The following KDM3B variants were observed in gnomAD, a reference collection of about 807,000 sequenced individuals.
The protein encoded by KDM3B is lysine demethylase 3B.
A neutral mutation model predicts 170.0 loss-of-function variants in KDM3B; 10 were observed. That is an observed-to-expected ratio of 0.06 (90% CI 0.04 to 0.10). The LOEUF (loss-of-function observed/expected upper bound fraction) is 0.10. KDM3B is among the 10% of genes least tolerant of loss of function. The probability of loss-of-function intolerance (pLI) is 1.00; values close to 1 mark genes in which losing one functional copy is unlikely to be tolerated. For missense variants in KDM3B, 1,394 were observed against 2,195.2 expected, an observed-to-expected ratio of 0.64 and a Z score of 7.29; for synonymous variants, 831 against 834.8, an observed-to-expected ratio of 1.00 and a Z score of 0.08.
rs67810627 is a variant in KDM3B, at chr5:138,419,671, AT to A, written c.3715+440del. Among the ~76,000 whole-genome samples, 108 of 85,064 alleles carry A rather than the reference AT, an allele frequency of 1.3e-3. 3 individuals carry two copies. Among genetic ancestry groups the A allele is most frequent in the Admixed American group, 4.8e-3 (31 of 6,420 alleles). 55.8% of individuals were successfully genotyped at this position (85,064 alleles called of 152,430 possible). On this transcript the variant is annotated intron_variant, in intron 14 of 23. Transcript: ENST00000314358. ...CTGTCTCAAAAAAAAAAAAAAAAATATATATATATATATATATACATATATA... is the reference window on the plus strand; with the variant it reads ...CTGTCTCAAAAAAAAAAAAAAAAATAATATATATATATATATACATATATA...
At chr5:138,381,643 C>A in intron 6 of KDM3B, 53 bp downstream of exon 6, 3 of 1,115,110 alleles carry the variant, frequency 2.7e-6, no homozygotes, top group South Asian at 1.3e-5. Context: ...CATTATCTTG[C>A]TGTGTGTAGA....
At chr5:138,408,398 A>G (rs889537158) in intron 11 of KDM3B, among the ~76,000 whole-genome samples, 6 of 151,142 alleles carry the variant, frequency 4.0e-5, no homozygotes, top group Non-Finnish European at 1.5e-5. Context: ...TTAAAAAAAA[A>G]AAAAAGAAAG....
At chr5:138,378,452 T>A (rs770287639) in intron 4 of KDM3B, among the ~76,000 whole-genome samples, 2 of 152,122 alleles carry the variant, frequency 1.3e-5, no homozygotes, top group Admixed American at 1.3e-4. Flanking sequence ...ATGAAAAAAA[T>A]TATTAGCTTT....
In KDM3B at chr5:138,352,735, G is replaced by C. The variant is rs1052000457; in HGVS notation, c.-61G>C. ...GGGAGGCCTTGCGGGCGGATCGGGC[G>C]CTTGGCGGCGGAGGTGGTGGGAGGC... On this transcript the variant is annotated 5_prime_UTR_variant, in exon 1 of 24. Transcript: ENST00000314358. 26 of 1,176,992 alleles carry C rather than the reference G, an allele frequency of 2.2e-5. No homozygotes were observed. The highest frequency in any genetic ancestry group is 9.2e-5 in the Admixed American group (2 of 21,662). The allele number at this position is 1,176,992 out of a possible 1,614,324, so 72.9% of individuals were successfully genotyped here. A position where few individuals can be genotyped will look rare whatever the true frequency, so the allele number is the denominator to read the frequency against.
At position 138,419,048 on chromosome 5, in the gene KDM3B, T is replaced by C. The variant is rs1234548694; in HGVS notation, c.3531T>C (p.His1177=). 5 of 1,614,104 alleles carry C rather than the reference T, an allele frequency of 3.1e-6. No homozygotes were observed. The highest frequency in any genetic ancestry group is 1.3e-5 in the African/African-American group (1 of 74,932). Residue 1177 remains histidine, a synonymous_variant, in exon 14 of 24, where the codon CAT becomes CAC. Coordinates refer to ENST00000314358, the MANE Select transcript of KDM3B (RefSeq NM_016604.4). The stretch of plus-strand genomic sequence containing the variant: ...CAGTAACAACTCCAGAGCCGGACCA[T>C]GTTCCCAAAGCCGACAGCACTGACA... ...PAPVTTPEPD[H]VPKADSTDIR...
intron 11 of KDM3B, among the ~76,000 whole-genome samples, chr5:138,408,929 GC>G (rs1762893484): frequency 6.6e-6 from 1 of 152,110 alleles, no homozygotes; most frequent in African/African-American, 2.4e-5. Flanking sequence ...CTTTCAGGGG[GC>G]CATAATACAT....
chr5:138,391,424 A>G lies in KDM3B; in HGVS notation c.1792A>G (p.Met598Val), dbSNP rs1762426189. Residue 598 changes from methionine (M) to valine (V), a missense_variant, in exon 8 of 24, where the codon ATG becomes GTG. By Grantham distance (21) the Met-to-Val change is conservative (BLOSUM62 1). This residue lies in a region of KDM3B where 294 missense variants were observed against 311.7 expected (regional missense o/e 0.94). Transcript: ENST00000314358. This position sits in a 1 kb window ranked among gnomAD's most constrained non-coding sequence, Gnocchi z 5.0. ...GGACCGGAAAGTGCCTGCAGAGTCCATGCCCACCCTCACTCCAGCCTTCCC... is the reference window on the plus strand; with the variant it reads ...GGACCGGAAAGTGCCTGCAGAGTCCGTGCCCACCCTCACTCCAGCCTTCCC... ...SVDRKVPAESMPTLTPAFPRS... is the reference protein window; with the variant it reads ...SVDRKVPAESVPTLTPAFPRS... 1 of 1,613,848 alleles carries G rather than the reference A, an allele frequency of 6.2e-7. No individual in the cohort carries two copies.
intron 11 of KDM3B, among the ~76,000 whole-genome samples, chr5:138,413,282 C>T (rs1362432273): frequency 4.0e-5 from 6 of 151,490 alleles, no homozygotes; most frequent in African/African-American, 1.5e-4. Context: ...ACTCGGGAGG[C>T]GGAGGCAGGA....
Position 138,375,224 on chromosome 5 carries a change from T to C in KDM3B, c.474+18T>C, listed in dbSNP as rs1761966948. ...TGTTTCAGGTATTTAACACTTGCTTTAGTCTTGAGCCTATTATTTTTTTCG... is the reference window on the plus strand; with the variant it reads ...TGTTTCAGGTATTTAACACTTGCTTCAGTCTTGAGCCTATTATTTTTTTCG... On this transcript the variant is annotated intron_variant, in intron 3 of 23. Transcript: ENST00000314358. 1.3e-6 allele frequency: 2 copies of C among 1,506,632 alleles called. No homozygotes were observed. Among genetic ancestry groups the C allele is most frequent in the Non-Finnish European group, 1.8e-6 (2 of 1,082,378 alleles). The allele number at this position is 1,506,632 out of a possible 1,614,324, so 93.3% of individuals were successfully genotyped here.
chr5:138,403,861 A>T (rs569235981), intron 11 of KDM3B, among the ~76,000 whole-genome samples: 1 of 132,964 alleles, frequency 7.5e-6, no homozygotes, highest in African/African-American at 2.5e-5. Context: ...TAATGTAGCT[A>T]CTATACATCT....
Position 138,352,755 on chromosome 5 carries a change from G to C in KDM3B, c.-41G>C. 1 of 1,200,662 alleles carries C rather than the reference G, an allele frequency of 8.3e-7. No homozygotes were observed. The highest frequency in any genetic ancestry group is 3.7e-5 in the East Asian group (1 of 26,860). 74.4% of individuals were successfully genotyped at this position (1,200,662 alleles called of 1,614,324 possible). A position where few individuals can be genotyped will look rare whatever the true frequency, so the allele number is the denominator to read the frequency against. ...CGGGCGCTTGGCGGCGGAGGTGGTG[G>C]GAGGCGGCGGGCGGGAGCGCGGGTC... On this transcript the variant is annotated 5_prime_UTR_variant, in exon 1 of 24. Transcript: ENST00000314358.
chr5:138,395,961 C>T (rs2126956668), intron 9 of KDM3B, among the ~76,000 whole-genome samples: 1 of 152,016 alleles, frequency 6.6e-6, no homozygotes, highest in South Asian at 2.1e-4. Flanking sequence ...GCTGACAGGT[C>T]ATGTTACATA....
At chr5:138,415,065 C>T in intron 11 of KDM3B, 67 bp from the exon 12 acceptor site, 1 of 1,104,704 alleles carries the variant, frequency 9.1e-7, no homozygotes, top group Non-Finnish European at 1.3e-6. Context: ...GGTTCTGAAA[C>T]TCCATTCACT....
At chr5:138,383,716 G>A (rs1476476533) in intron 6 of KDM3B, among the ~76,000 whole-genome samples, 2 of 152,138 alleles carry the variant, frequency 1.3e-5, no homozygotes, top group African/African-American at 4.8e-5. Context: ...AAAAGAGGCC[G>A]AGGCAGGTGG....
chr5:138,391,346 A>G lies in KDM3B; in HGVS notation c.1714A>G (p.Arg572Gly). The stretch of plus-strand genomic sequence containing the variant: ...CCTGAGCTCAGGCCTGTGTAAAGGC[A>G]GATCCGTTCTTGGAACAGACACTAA... ...ESLSSGLCKGRSVLGTDTKPG... is the reference protein window; with the variant it reads ...ESLSSGLCKGGSVLGTDTKPG... The change falls in exon 8 of 24, where the codon AGA becomes GGA. Residue 572 changes from arginine to glycine, a missense_variant. Physicochemically the swap from Arg to Gly is moderately radical, Grantham distance 125 (BLOSUM62 -2). This residue lies in a region of KDM3B where 294 missense variants were observed against 311.7 expected (regional missense o/e 0.94). Transcript: ENST00000314358. The surrounding 1 kb of genome is among the most constrained non-coding windows in gnomAD (Gnocchi z 5.0). 6.2e-7 allele frequency: 1 copy of G among 1,614,226 alleles called. No individual in the cohort carries two copies. Among genetic ancestry groups the G allele is most frequent in the Non-Finnish European group, 8.5e-7 (1 of 1,180,026 alleles).
At chr5:138,408,243 C>T (rs1245478394) in intron 11 of KDM3B, among the ~76,000 whole-genome samples, 5 of 152,020 alleles carry the variant, frequency 3.3e-5, no homozygotes, top group African/African-American at 9.7e-5. Flanking sequence ...AATCAGACGC[C>T]GCCGCCTCAA....
intron 1 of KDM3B, among the ~76,000 whole-genome samples, chr5:138,355,906 C>T (rs1249454064): frequency 6.6e-6 from 1 of 152,200 alleles, no homozygotes; most frequent in Non-Finnish European, 1.5e-5. Context: ...TTTCTTAATG[C>T]TAGTACAAAA....
At chr5:138,360,522 T>TTGTGTGTGTGTGTGTGTG (rs55976818) in intron 1 of KDM3B, among the ~76,000 whole-genome samples, 41 of 137,960 alleles carry the variant, frequency 3.0e-4, no homozygotes, top group African/African-American at 5.4e-4. Context: ...TAAAAAAAGA[T>TTGTGTGTGTGTGTGTGTG]TGTGTGTGTG....
At chr5:138,417,338 T>G in intron 12 of KDM3B, 145 bp from the exon 13 acceptor site, 1 of 784,864 alleles carries the variant, frequency 1.3e-6, no homozygotes, top group Non-Finnish European at 2.0e-6. Context: ...AGCCTCAGTT[T>G]GATCATCAAA....
Sources: allele counts gnomAD v4.1 joint callset (sites outside exome capture counted in the v4.1 genomes callset), GRCh38; gene constraint gnomAD v4.1.1; regional missense constraint gnomAD v4.1.1; non-coding constraint Gnocchi (gnomAD v3.1); transcripts MANE v1.5; gene names NCBI Gene and HGNC (gene_info 2026-07-23, HGNC 2026-07-21).